The following PPRC1 variants were observed in gnomAD, a reference collection of about 807,000 sequenced individuals.
PPRC1 encodes the protein PPARG related coactivator 1.
In PPRC1, 23 loss-of-function variants were observed where a neutral mutation model predicts 132.5. The observed-to-expected ratio is 0.17, with a 90% CI of 0.12 to 0.25. PPRC1 has a LOEUF of 0.25. Among genes scored for constraint, PPRC1 ranks in the 10% least tolerant of loss-of-function variants. The pLI is 1.00. For synonymous variants in PPRC1, 872 were observed against 833.5 expected, an observed-to-expected ratio of 1.05 and a Z score of -0.80; for missense variants, 2,006 against 2,089.1, an observed-to-expected ratio of 0.96 and a Z score of 0.78.
the PPRC1 span, among the ~76,000 whole-genome samples, chr10:102,122,856 C>T: frequency 6.6e-6 from 1 of 152,162 alleles, no homozygotes; most frequent in African/African-American, 2.4e-5. Flanking sequence ...TGCCCTAGGC[C>T]TTTTACACTT....
chr10:102,147,527 T>C (rs746483597), intron 9 of PPRC1, 135 bp downstream of exon 9: 4 of 1,254,582 alleles, frequency 3.2e-6, no homozygotes, highest in Non-Finnish European at 3.2e-6. Flanking sequence ...TTGGCTTTTG[T>C]GTTTTCCCTT....
chr10:102,142,240 CT>C (rs1414096426), intron 5 of PPRC1, among the ~76,000 whole-genome samples: 1 of 148,892 alleles, frequency 6.7e-6, no homozygotes, highest in African/African-American at 2.5e-5. Flanking sequence ...GTAGCTGGGA[CT>C]ACAGGTGCCC....
At chr10:102,120,016 A>G in the PPRC1 span, 1 of 1,270,718 alleles carries the variant, frequency 7.9e-7, no homozygotes, top group Non-Finnish European at 1.1e-6. Context: ...AGTTCTCGCC[A>G]AACACGGGGT....
chr10:102,143,598 CAAA>C (rs774584823), intron 6 of PPRC1, among the ~76,000 whole-genome samples: 11 of 57,892 alleles, frequency 1.9e-4, no homozygotes, highest in South Asian at 6.2e-4. Context: ...GACTCTGTCT[CAAA>C]AAAAAAAAAA....
Position 102,140,843 on chromosome 10 carries a change from T to C in PPRC1, c.2335T>C (p.Trp779Arg). Residue 779 changes from tryptophan to arginine, a missense_variant, in exon 5 of 14, where the codon TGG becomes CGG. Physicochemically the swap from Trp to Arg is moderately radical, Grantham distance 101. Around this residue, in one of 2 missense-constraint regions of PPRC1, gnomAD observed 1,914 missense variants for 1,917.2 expected, o/e 1.00. Transcript: ENST00000278070. ...ERSPQPPTGK[W>R]PSLPETPTGL... The stretch of plus-strand genomic sequence containing the variant: ...AAGTCCACAGCCCCCAACTGGGAAG[T>C]GGCCTAGCCTTCCAGAGACTCCCAC... The C allele has an allele frequency of 1.2e-6, 2 of 1,614,046 alleles. No homozygotes were observed. The highest frequency in any genetic ancestry group is 1.7e-6 in the Non-Finnish European group (2 of 1,180,020).
rs2068851994 is a variant in PPRC1 at position 102,139,374 on chromosome 10, C to T, written c.866C>T (p.Ala289Val). 1 of 1,614,132 alleles carries T rather than the reference C, an allele frequency of 6.2e-7. No homozygotes were observed. The highest frequency in any genetic ancestry group is 1.1e-5 in the South Asian group (1 of 91,090). ...ACPEEEDKAT[A>V]AEMAVPAAGD... The stretch of plus-strand genomic sequence containing the variant: ...CCTGAGGAGGAAGATAAAGCAACAG[C>T]AGCAGAGATGGCAGTGCCAGCAGCT... The change falls in exon 5 of 14, where the codon GCA becomes GTA. Residue 289 changes from alanine (A) to valine (V), a missense_variant. This residue lies in a region of PPRC1 where 1,914 missense variants were observed against 1,917.2 expected (regional missense o/e 1.00). Transcript: ENST00000278070.
chr10:102,141,944 C>T lies in PPRC1; in HGVS notation c.3436C>T (p.Leu1146=), dbSNP rs756360629. ...HPARLRKLSF[L]PTPRTQGSED... ...AGCCCGTCTAAGGAAGCTGTCCTTC[C>T]TGCCTACCCCACGTACTCAGGGTTC... The change falls in exon 5 of 14, where the codon CTG becomes TTG. Residue 1146 remains leucine (L), a synonymous_variant. Transcript: ENST00000278070. 15 of 1,613,994 alleles carry T rather than the reference C, an allele frequency of 9.3e-6. No individual in the cohort carries two copies. In the South Asian group the frequency reaches 1.2e-4, roughly 13 times the overall value.
intron 5 of PPRC1, among the ~76,000 whole-genome samples, chr10:102,142,618 G>A (rs1271296214): frequency 6.6e-6 from 1 of 150,910 alleles, no homozygotes; most frequent in Non-Finnish European, 1.5e-5. Context: ...GTTTCACCAT[G>A]TTGGCCAGGT....
rs766482692 is a variant in PPRC1 at position 102,148,461 on chromosome 10, C to T, written c.4490C>T (p.Ser1497Phe). The T allele has an allele frequency of 6.2e-7, 1 of 1,612,216 alleles. No homozygotes were observed. The highest frequency in any genetic ancestry group is 1.1e-5 in the South Asian group (1 of 91,042). The change falls in exon 10 of 14, where the codon TCC becomes TTC. Residue 1497 changes from serine (S) to phenylalanine (F), a missense_variant. Physicochemically the swap from Ser to Phe is radical, Grantham distance 155. Around this residue, in one of 2 missense-constraint regions of PPRC1, gnomAD observed 1,914 missense variants for 1,917.2 expected, o/e 1.00. Transcript: ENST00000278070. This position sits in a 1 kb window ranked among gnomAD's most constrained non-coding sequence, Gnocchi z 4.2. Reference protein sequence around the residue: ...SSSSSSSSSSSSSRSRSRSPS... With the variant: ...SSSSSSSSSSFSSRSRSRSPS... ...TCTTCGTCTTCCTCATCCTCATCAT[C>T]CAGTTCTCGAAGCCGCTCACGATCC... is the stretch of plus-strand genomic sequence containing the variant.
At chr10:102,123,950 C>G in the PPRC1 span, among the ~76,000 whole-genome samples, 1 of 149,652 alleles carries the variant, frequency 6.7e-6, no homozygotes, top group African/African-American at 2.5e-5. Flanking sequence ...AAGTGATTCT[C>G]CTGCCTCAGC....
chr10:102,145,667 A>G (rs2069199210), intron 8 of PPRC1, among the ~76,000 whole-genome samples: 1 of 151,906 alleles, frequency 6.6e-6, no homozygotes, highest in South Asian at 2.1e-4. Context: ...GATCGAGACC[A>G]TCCTGGCTAA....
chr10:102,128,554 G>A (rs115212909), upstream of PPRC1, among the ~76,000 whole-genome samples: 1,897 of 151,748 alleles, frequency 0.013, 28 homozygotes, highest in African/African-American at 0.044. Context: ...GAAAGAGAGA[G>A]CAAGAGAGAC....
At chr10:102,131,676 GAGA>G (rs1343174834), upstream of PPRC1, among the ~76,000 whole-genome samples, 1 of 152,140 alleles carries the variant, frequency 6.6e-6, no homozygotes, top group Non-Finnish European at 1.5e-5. Flanking sequence ...ATTTATTTTT[GAGA>G]AGAAGTCTCA....
At chr10:102,129,762 G>A (rs372156612), upstream of PPRC1, among the ~76,000 whole-genome samples, 10 of 152,154 alleles carry the variant, frequency 6.6e-5, no homozygotes, top group East Asian at 7.8e-4. Flanking sequence ...GCGCCACCAC[G>A]CTTGGCTAAT....
At chr10:102,145,506 G>A (rs2069184122) in intron 8 of PPRC1, among the ~76,000 whole-genome samples, 1 of 151,734 alleles carries the variant, frequency 6.6e-6, no homozygotes, top group African/African-American at 2.4e-5. Context: ...AGGAGGTGGA[G>A]GTTGCAGGGA....
intron 7 of PPRC1, chr10:102,144,655 G>A (rs1275524005): frequency 2.2e-6 from 1 of 461,994 alleles, no homozygotes; most frequent in Non-Finnish European, 3.9e-6. Flanking sequence ...TAAAGTGGAG[G>A]AAGATGTTAA....
rs1186349643 is a variant in PPRC1 at position 102,148,813 on chromosome 10, A to G, written c.4618-4A>G. ...TGTTGATTTTTTTTCATTTCCAAAC[A>G]TAGGAAGAAAGAAGGGTGGTCTTCA... is the stretch of plus-strand genomic sequence containing the variant. On this transcript the variant is annotated splice_polypyrimidine_tract_variant and splice_region_variant and intron_variant, in intron 11 of 13. Coordinates refer to ENST00000278070, the MANE Select transcript of PPRC1 (RefSeq NM_015062.5). The surrounding 1 kb of genome is among the most constrained non-coding windows in gnomAD (Gnocchi z 4.2). 5.6e-6 allele frequency: 9 copies of G among 1,614,122 alleles called. No individual in the cohort carries two copies. The highest frequency in any genetic ancestry group is 6.8e-6 in the Non-Finnish European group (8 of 1,180,016).
At chr10:102,144,944 T>G in intron 7 of PPRC1, 76 bp from the exon 8 acceptor site, 1 of 1,264,420 alleles carries the variant, frequency 7.9e-7, no homozygotes, top group Non-Finnish European at 1.1e-6. Context: ...CCCCTCCCAT[T>G]GATTTCTGAG....
the PPRC1 span, among the ~76,000 whole-genome samples, chr10:102,123,480 T>TTC: frequency 1.5e-4 from 23 of 152,040 alleles, no homozygotes; most frequent in Non-Finnish European, 2.8e-4. Context: ...GTGCCCAGTA[T>TTC]TCTCTCTCTC....
Sources: gnomAD v4.1 joint callset for allele counts (sites outside exome capture counted in the v4.1 genomes callset) on GRCh38, gnomAD v4.1.1 for gene constraint, gnomAD v4.1.1 regional missense constraint, Gnocchi (gnomAD v3.1) non-coding constraint, MANE v1.5 for transcripts, NCBI Gene and HGNC (gene_info 2026-07-23, HGNC 2026-07-21) for gene names.